Variants in XKR4 observed in about 807,000 individuals in gnomAD.
The protein encoded by XKR4 is XK related 4.
Under a neutral mutation model 53.9 loss-of-function variants are expected in XKR4, and 12 were observed. That is an observed-to-expected ratio of 0.22 (90% CI 0.14 to 0.36). XKR4 has a LOEUF of 0.36. Ranked by LOEUF, XKR4 falls within the 10% of genes least tolerant of loss-of-function variation. The probability of loss-of-function intolerance (pLI) is 1.00; values close to 1 mark genes in which losing one functional copy is unlikely to be tolerated. For missense variants in XKR4, 799 were observed against 859.5 expected (o/e 0.93, Z 0.88); for synonymous variants, 354 against 362.4 (o/e 0.98, Z 0.26).
rs1807007615 is a variant in XKR4 at position 55,534,743 on chromosome 8, C to A, written c.*10516C>A. 6.7e-6 allele frequency: 1 copy of A among 150,212 alleles called. No homozygotes were observed. The highest frequency in any genetic ancestry group is 1.5e-5 in the Non-Finnish European group (1 of 67,644). The allele number at this position is 150,212 out of a possible 1,614,324, so 9.3% of individuals were successfully genotyped here. A position where few individuals can be genotyped will look rare whatever the true frequency, so the allele number is the denominator to read the frequency against. ...TCATCTCTTAATTTAATACATGGTT[C>A]TTTCTCCCTTGCTTCTGGGTTTTGT... On this transcript the variant is annotated 3_prime_UTR_variant, in exon 3 of 3. Coordinates refer to ENST00000327381, the MANE Select transcript of XKR4 (RefSeq NM_052898.2).
chr8:55,522,147 C>T (rs1032112274), intron 2 of XKR4, among the ~76,000 whole-genome samples: 11 of 151,930 alleles, frequency 7.2e-5, no homozygotes, highest in African/African-American at 2.2e-4. Flanking sequence ...CACATCTGGA[C>T]GATAGAGATG....
At chr8:55,122,487 C>T (rs890840759) in intron 1 of XKR4, among the ~76,000 whole-genome samples, 6 of 152,076 alleles carry the variant, frequency 3.9e-5, no homozygotes, top group African/African-American at 7.2e-5. Context: ...ATCTGGTTGA[C>T]GCCTCTTAGC....
At chr8:55,143,318 A>T (rs1208553991) in intron 1 of XKR4, among the ~76,000 whole-genome samples, 1 of 152,230 alleles carries the variant, frequency 6.6e-6, no homozygotes, top group African/African-American at 2.4e-5. Flanking sequence ...ATGTGCAGAC[A>T]CTGCCCAATA....
intron 2 of XKR4, among the ~76,000 whole-genome samples, chr8:55,449,224 A>G (rs1805387808): frequency 6.6e-6 from 1 of 152,158 alleles, no homozygotes; most frequent in African/African-American, 2.4e-5. Flanking sequence ...CTCTGGTTCT[A>G]GAAACAATTC....
intron 1 of XKR4, among the ~76,000 whole-genome samples, chr8:55,288,564 TA>T (rs1818939928): frequency 6.6e-6 from 1 of 152,240 alleles, no homozygotes; most frequent in South Asian, 2.1e-4. Context: ...GGAGAATATT[TA>T]AGCTCAGTAC....
At position 55,102,281 on chromosome 8, in the gene XKR4, C is replaced by T. The variant is rs1816052560; in HGVS notation, c.-208C>T. 1.7e-6 allele frequency: 1 copy of T among 576,670 alleles called. No individual in the cohort carries two copies. The highest frequency in any genetic ancestry group is 2.2e-6 in the Non-Finnish European group (1 of 459,306). The allele number at this position is 576,670 out of a possible 1,614,324, so 35.7% of individuals were successfully genotyped here. ...GGCAGCCAGGCGGCGCTCCTGCCGG[C>T]CCCAGGCGCGCCGCTAGCCCGGCCC... is the stretch of plus-strand genomic sequence containing the variant. On this transcript the variant is annotated 5_prime_UTR_variant, in exon 1 of 3. Coordinates refer to ENST00000327381, the MANE Select transcript of XKR4 (RefSeq NM_052898.2). The surrounding 1 kb of genome is among the most constrained non-coding windows in gnomAD (Gnocchi z 5.1).
chr8:55,364,068 T>G (rs923924093), intron 2 of XKR4, among the ~76,000 whole-genome samples: 1 of 152,212 alleles, frequency 6.6e-6, no homozygotes, highest in African/African-American at 2.4e-5. Context: ...ATTAGGTTAA[T>G]TAGTTTAAAA....
intron 2 of XKR4, among the ~76,000 whole-genome samples, chr8:55,485,176 GC>G (rs1210515524): frequency 3.3e-5 from 5 of 152,318 alleles, no homozygotes; most frequent in Non-Finnish European, 7.3e-5. Flanking sequence ...AAGACTATAT[GC>G]TTTTTCTGTA....
At position 55,261,618 on chromosome 8, in the gene XKR4, C is replaced by T. The variant is rs139367667; in HGVS notation, c.807-96060C>T. ...GGCCTTTGGCAGTCTTTTGAATTTG[C>T]TCTCTAGGCTCATGCAAAACATGCA... On this transcript the variant is annotated intron_variant, in intron 1 of 2. Transcript: ENST00000327381. Among the ~76,000 whole-genome samples, 19 of 152,198 alleles carry T rather than the reference C, an allele frequency of 1.2e-4. 1 individual carries two copies. In the East Asian group the frequency reaches 3.7e-3, roughly 29 times the overall value.
intron 1 of XKR4, among the ~76,000 whole-genome samples, chr8:55,130,897 C>T (rs756494076): frequency 1.3e-5 from 2 of 152,120 alleles, no homozygotes; most frequent in African/African-American, 2.4e-5. Flanking sequence ...CGGTGGCTCA[C>T]GTCTGTAATC....
intron 1 of XKR4, among the ~76,000 whole-genome samples, chr8:55,132,863 T>C (rs2129353252): frequency 6.6e-6 from 1 of 152,192 alleles, no homozygotes. Flanking sequence ...CAAACCAGGG[T>C]GTCCCATCTG....
At chr8:55,410,662 T>TC (rs1164304873) in intron 2 of XKR4, among the ~76,000 whole-genome samples, 1 of 151,336 alleles carries the variant, frequency 6.6e-6, no homozygotes, top group African/African-American at 2.4e-5. Context: ...TGCCTGCCTC[T>TC]CCCCCGGGAC....
intron 2 of XKR4, among the ~76,000 whole-genome samples, chr8:55,498,245 A>C (rs927673891): frequency 1.3e-5 from 2 of 152,198 alleles, no homozygotes; most frequent in Non-Finnish European, 2.9e-5. Flanking sequence ...CACCTGTCTA[A>C]CTGGACTAAC....
At chr8:55,450,976 G>C (rs537890206) in intron 2 of XKR4, 10 of 523,960 alleles carry the variant, frequency 1.9e-5, no homozygotes, top group Middle Eastern at 3.5e-4. Flanking sequence ...TCAGCAGTAG[G>C]GCAGCCCAGG....
At chr8:55,511,534 G>A (rs1806626347) in intron 2 of XKR4, among the ~76,000 whole-genome samples, 1 of 151,820 alleles carries the variant, frequency 6.6e-6, no homozygotes, top group African/African-American at 2.4e-5. Flanking sequence ...CCTATATTAT[G>A]AGCTGGGCCA....
At chr8:55,346,541 C>G (rs907022966) in intron 1 of XKR4, among the ~76,000 whole-genome samples, 1 of 152,174 alleles carries the variant, frequency 6.6e-6, no homozygotes, top group Non-Finnish European at 1.5e-5. Flanking sequence ...TTATTCACCA[C>G]AGAATGGAGA....
intron 2 of XKR4, among the ~76,000 whole-genome samples, chr8:55,394,950 C>T (rs1804493107): frequency 6.6e-6 from 1 of 152,276 alleles, no homozygotes; most frequent in African/African-American, 2.4e-5. Context: ...CCAGCAGATA[C>T]TACCAAGATA....
chr8:55,322,292 T>C (rs1374708840), intron 1 of XKR4, among the ~76,000 whole-genome samples: 1 of 152,254 alleles, frequency 6.6e-6, no homozygotes, highest in Non-Finnish European at 1.5e-5. Context: ...TTTATAGCTG[T>C]AGTTTCTCTA....
intron 2 of XKR4, among the ~76,000 whole-genome samples, chr8:55,378,245 G>T (rs921010307): frequency 1.3e-5 from 2 of 152,192 alleles, no homozygotes; most frequent in Non-Finnish European, 2.9e-5. Context: ...CACTATCAAA[G>T]GATGTGGAAA....
Sources: allele counts gnomAD v4.1 joint callset (sites outside exome capture counted in the v4.1 genomes callset), GRCh38; gene constraint gnomAD v4.1.1; non-coding constraint Gnocchi (gnomAD v3.1); transcripts MANE v1.5; gene names NCBI Gene and HGNC (gene_info 2026-07-23, HGNC 2026-07-21).